SLC35B3: variants seen among roughly 807,000 people sequenced by gnomAD.
SLC35B3 encodes the protein solute carrier family 35 member B3.
A neutral mutation model predicts 44.1 loss-of-function variants in SLC35B3; 35 were observed. The ratio of observed to expected loss-of-function variants is 0.79; its 90% CI spans 0.61 to 1.05. The LOEUF (loss-of-function observed/expected upper bound fraction) is 1.05. SLC35B3 is among the 50% of genes least tolerant of loss of function. SLC35B3 has a pLI of 0.00. For missense variants in SLC35B3, 414 were observed against 476.4 expected, an observed-to-expected ratio of 0.87 and a Z score of 1.22; for synonymous variants, 146 against 167.3, an observed-to-expected ratio of 0.87 and a Z score of 0.98.
In SLC35B3 at chr6:8,435,096, G is replaced by A. The variant is rs1057383771; in HGVS notation, c.-44+247C>T. On this transcript the variant is annotated intron_variant, in intron 1 of 10. Coordinates refer to ENST00000644923, the MANE Select transcript of SLC35B3 (RefSeq NM_001370476.2). The surrounding 1 kb of genome is among the most constrained non-coding windows in gnomAD (Gnocchi z 5.5). ...CCTCACCCCTGCGAGTCCACGGATT[G>A]GGACCTGAGGGAGTTCTCGCCAGCC... The A allele has an allele frequency of 4.8e-6, 6 of 1,238,500 alleles. No individual in the cohort carries two copies. In the African/African-American group the frequency reaches 7.8e-5, roughly 16 times the overall value. The allele number at this position is 1,238,500 out of a possible 1,614,324, so 76.7% of individuals were successfully genotyped here.
At position 8,412,966 on chromosome 6, in the gene SLC35B3, A is replaced by C. The variant is rs1473372806; in HGVS notation, c.*583T>G. 1 of 152,218 alleles carries C rather than the reference A, an allele frequency of 6.6e-6. No homozygotes were observed. The highest frequency in any genetic ancestry group is 2.4e-5 in the African/African-American group (1 of 41,460). 9.4% of individuals were successfully genotyped at this position (152,218 alleles called of 1,614,324 possible). On this transcript the variant is annotated 3_prime_UTR_variant, in exon 11 of 11. Coordinates refer to ENST00000644923, the MANE Select transcript of SLC35B3 (RefSeq NM_001370476.2). ...TGGGTGGTTGGGAGCTCCTGCTCTA[A>C]AGAATAATTTTAAATCAGAGAAAAC...
At position 8,418,873 on chromosome 6, in the gene SLC35B3, T is replaced by G. The variant is rs559252579; in HGVS notation, c.780+707A>C. 11 of 226,128 alleles carry G rather than the reference T, an allele frequency of 4.9e-5. No homozygotes were observed. The East Asian group carries it at 9.2e-4, about 19-fold the overall frequency. 14.0% of individuals were successfully genotyped at this position (226,128 alleles called of 1,614,324 possible). A position where few individuals can be genotyped will look rare whatever the true frequency, so the allele number is the denominator to read the frequency against. On this transcript the variant is annotated intron_variant, in intron 7 of 10. Coordinates refer to ENST00000644923, the MANE Select transcript of SLC35B3 (RefSeq NM_001370476.2). ...AATATAAACACCCCAGAATAACTACTGGTAGTAATATTCTGCAAAAGAAAA... is the reference window on the plus strand; with the variant it reads ...AATATAAACACCCCAGAATAACTACGGGTAGTAATATTCTGCAAAAGAAAA...
intron 4 of SLC35B3, among the ~76,000 whole-genome samples, chr6:8,427,367 G>A (rs948482979): frequency 1.3e-5 from 2 of 152,222 alleles, no homozygotes. Context: ...AGGTCACTAT[G>A]CTGTGTGCAG....
At chr6:8,421,557 C>T (rs924736253) in intron 5 of SLC35B3, among the ~76,000 whole-genome samples, 2 of 152,176 alleles carry the variant, frequency 1.3e-5, no homozygotes, top group African/African-American at 4.8e-5. Context: ...TTCAGTGATA[C>T]AGAAACACCC....
chr6:8,418,782 C>A, intron 7 of SLC35B3: 1 of 175,424 alleles, frequency 5.7e-6, no homozygotes, highest in Non-Finnish European at 1.3e-5. Flanking sequence ...GCCATTCTCC[C>A]TAAATTAATT....
chr6:8,414,223 A>C (rs1351186515), intron 10 of SLC35B3, among the ~76,000 whole-genome samples: 1 of 152,188 alleles, frequency 6.6e-6, no homozygotes, highest in Non-Finnish European at 1.5e-5. Flanking sequence ...TAGTTTATAG[A>C]CAAATAATAA....
intron 4 of SLC35B3, among the ~76,000 whole-genome samples, chr6:8,424,545 C>A (rs1452986414): frequency 1.3e-5 from 2 of 152,166 alleles, no homozygotes; most frequent in Non-Finnish European, 1.5e-5. Context: ...CAGGCGTGAG[C>A]CACTGCACCT....
chr6:8,427,611 T>C (rs1004841907), intron 4 of SLC35B3, among the ~76,000 whole-genome samples: 1 of 152,228 alleles, frequency 6.6e-6, no homozygotes, highest in African/African-American at 2.4e-5. Flanking sequence ...GTGATGTTAG[T>C]TGTACTACAA....
At position 8,420,123 on chromosome 6, in the gene SLC35B3, A is replaced by T. The variant is rs1208701110; in HGVS notation, c.683-446T>A. On this transcript the variant is annotated intron_variant, in intron 6 of 10. Transcript: ENST00000644923. The surrounding 1 kb of genome is among the most constrained non-coding windows in gnomAD (Gnocchi z 4.4). Reference sequence around the variant, plus strand: ...CTAAAATGTTTAATTTAAATCACATAAACAGGCACGCTGCTGTCAGGGCCT... The same window carrying T: ...CTAAAATGTTTAATTTAAATCACATTAACAGGCACGCTGCTGTCAGGGCCT... 6.6e-6 allele frequency among the ~76,000 whole-genome samples: 1 copy of T among 152,070 alleles called. No homozygotes were observed.
Position 8,435,336 on chromosome 6 carries a change from C to T in SLC35B3, c.-44+7G>A. On this transcript the variant is annotated splice_region_variant and intron_variant, in intron 1 of 10. Coordinates refer to ENST00000644923, the MANE Select transcript of SLC35B3 (RefSeq NM_001370476.2). This position sits in a 1 kb window ranked among gnomAD's most constrained non-coding sequence, Gnocchi z 5.5. ...AAACACAGGAAAGGCCCCGAAGGCA[C>T]GCGTACCCCAAGGCCGGTATGTCAC... is the stretch of plus-strand genomic sequence containing the variant. The T allele has an allele frequency of 7.8e-7, 1 of 1,289,274 alleles. No homozygotes were observed. The highest frequency in any genetic ancestry group is 1.2e-5 in the South Asian group (1 of 81,016). 79.9% of individuals were successfully genotyped at this position (1,289,274 alleles called of 1,614,324 possible).
chr6:8,429,997 A>G lies in SLC35B3; in HGVS notation c.164T>C (p.Met55Thr). 1 of 1,613,974 alleles carries G rather than the reference A, an allele frequency of 6.2e-7. No homozygotes were observed. The highest frequency in any genetic ancestry group is 8.5e-7 in the Non-Finnish European group (1 of 1,179,930). ...GTCAACTGACTTGATGTGTGGTGAC[A>G]TTGTTTGGGTTTTGGATGGCACAGT... The change falls in exon 3 of 11, where the codon ATG becomes ACG. Residue 55 changes from methionine (M) to threonine (T), a missense_variant. Physicochemically the swap from Met to Thr is moderately conservative, Grantham distance 81. Coordinates refer to ENST00000644923, the MANE Select transcript of SLC35B3 (RefSeq NM_001370476.2).
chr6:8,419,083 T>C lies in SLC35B3; in HGVS notation c.780+497A>G, dbSNP rs1047115047. Among the ~76,000 whole-genome samples, 3 of 152,002 alleles carry C rather than the reference T, an allele frequency of 2.0e-5. No homozygotes were observed. Among genetic ancestry groups the C allele is most frequent in the Admixed American group, 6.6e-5 (1 of 15,238 alleles). ...CAATAAATGATATTAGAAAAAATGGTAGTCATTTGAAAGAAAAGTTCTTTT... is the reference window on the plus strand; with the variant it reads ...CAATAAATGATATTAGAAAAAATGGCAGTCATTTGAAAGAAAAGTTCTTTT... On this transcript the variant is annotated intron_variant, in intron 7 of 10. Transcript: ENST00000644923. The surrounding 1 kb of genome is among the most constrained non-coding windows in gnomAD (Gnocchi z 4.3).
intron 4 of SLC35B3, among the ~76,000 whole-genome samples, chr6:8,423,010 TAA>T: frequency 6.6e-6 from 1 of 152,008 alleles, no homozygotes; most frequent in Non-Finnish European, 1.5e-5. Flanking sequence ...TTGCTTGAGA[TAA>T]GGTCTCGCTC....
rs935358640 is a variant in SLC35B3 at position 8,432,843 on chromosome 6, G to A, written c.3+1542C>T. Among the ~76,000 whole-genome samples, 3 of 152,138 alleles carry A rather than the reference G, an allele frequency of 2.0e-5. No individual in the cohort carries two copies. Among genetic ancestry groups the A allele is most frequent in the South Asian group, 2.1e-4 (1 of 4,832 alleles). On this transcript the variant is annotated intron_variant, in intron 2 of 10. Coordinates refer to ENST00000644923, the MANE Select transcript of SLC35B3 (RefSeq NM_001370476.2). The surrounding 1 kb of genome is among the most constrained non-coding windows in gnomAD (Gnocchi z 4.8). ...GATGTGCAGCTGGAAATACAGACCTGAATTTCCAACGCTGCCTTCTCTCCT... is the reference window on the plus strand; with the variant it reads ...GATGTGCAGCTGGAAATACAGACCTAAATTTCCAACGCTGCCTTCTCTCCT...
intron 9 of SLC35B3, among the ~76,000 whole-genome samples, chr6:8,416,391 G>A (rs1045224745): frequency 6.6e-6 from 1 of 152,146 alleles, no homozygotes; most frequent in Admixed American, 6.5e-5. Context: ...TTTTCTACAG[G>A]GCCAAGCAAA....
chr6:8,419,592 A>G lies in SLC35B3; in HGVS notation c.768T>C (p.Ser256=). ...CTAGAGTATTTACCATTTCAGAATT[A>G]GAAGCATTATGAAGTTTCATAGCTT... Residue 256 remains serine (S), a synonymous_variant, in exon 7 of 11, where the codon TCT becomes TCC. Coordinates refer to ENST00000644923, the MANE Select transcript of SLC35B3 (RefSeq NM_001370476.2). The surrounding 1 kb of genome is among the most constrained non-coding windows in gnomAD (Gnocchi z 4.3). 6.5e-7 allele frequency: 1 copy of G among 1,535,136 alleles called. No homozygotes were observed. Among genetic ancestry groups the G allele is most frequent in the Non-Finnish European group, 8.9e-7 (1 of 1,126,312 alleles).
chr6:8,423,049 A>G (rs754673250), intron 4 of SLC35B3, among the ~76,000 whole-genome samples: 6 of 152,122 alleles, frequency 3.9e-5, no homozygotes, highest in Non-Finnish European at 8.8e-5. Context: ...GTGCAGTGGC[A>G]TGATCTCAGC....
Position 8,434,249 on chromosome 6 carries a change from C to T in SLC35B3, c.3+136G>A. 4.1e-6 allele frequency: 3 copies of T among 727,766 alleles called. No individual in the cohort carries two copies. The highest frequency in any genetic ancestry group is 7.0e-6 in the Non-Finnish European group (3 of 427,652). The allele number at this position is 727,766 out of a possible 1,614,324, so 45.1% of individuals were successfully genotyped here. Reference sequence around the variant, plus strand: ...TATTTCAGTTTATTTTTGAGTTTTCCGACCTGAAGGACAAAAGTCCCACAC... The same window carrying T: ...TATTTCAGTTTATTTTTGAGTTTTCTGACCTGAAGGACAAAAGTCCCACAC... On this transcript the variant is annotated intron_variant, in intron 2 of 10. Coordinates refer to ENST00000644923, the MANE Select transcript of SLC35B3 (RefSeq NM_001370476.2). This position sits in a 1 kb window ranked among gnomAD's most constrained non-coding sequence, Gnocchi z 6.3.
At chr6:8,422,752 G>A in intron 4 of SLC35B3, 128 bp from the exon 4 acceptor site, 1 of 705,574 alleles carries the variant, frequency 1.4e-6, no homozygotes, top group South Asian at 2.3e-5. Context: ...GGAAATATCA[G>A]TAAAAAATAT....
Sources: allele counts gnomAD v4.1 joint callset (sites outside exome capture counted in the v4.1 genomes callset), GRCh38; gene constraint gnomAD v4.1.1; non-coding constraint Gnocchi (gnomAD v3.1); transcripts MANE v1.5; gene names NCBI Gene and HGNC (gene_info 2026-07-23, HGNC 2026-07-21).